The following ARHGEF9 variants were observed in gnomAD, a reference collection of about 807,000 sequenced individuals.
ARHGEF9 encodes the protein Cdc42 guanine nucleotide exchange factor 9, also known as rho guanine nucleotide exchange factor 9.
A neutral mutation model predicts 41.3 loss-of-function variants in ARHGEF9; 2 were observed. That is an observed-to-expected ratio of 0.05 (90% CI 0.02 to 0.15). The LOEUF (loss-of-function observed/expected upper bound fraction) is 0.15. Ranked by LOEUF, ARHGEF9 falls within the 10% of genes least tolerant of loss-of-function variation. The pLI is 1.00. For synonymous variants in ARHGEF9, 160 were observed against 154.4 expected (o/e 1.04, Z -0.27); for missense variants, 225 against 424.7 (o/e 0.53, Z 4.13).
chrX:63,755,356 G>T (rs2055896473), intron 1 of ARHGEF9: 3 of 568,038 alleles, frequency 5.3e-6, no homozygotes, highest in Non-Finnish European at 7.2e-6. Flanking sequence ...CCAGCCACCA[G>T]TTCTGGTTTG....
intron 2 of ARHGEF9, among the ~76,000 whole-genome samples, chrX:63,717,439 C>T (rs1334498241): frequency 8.9e-6 from 1 of 112,097 alleles, no homozygotes; most frequent in Non-Finnish European, 1.9e-5. Context: ...ATGGAGTGGG[C>T]CTTGCATGCC....
intron 7 of ARHGEF9, among the ~76,000 whole-genome samples, chrX:63,663,714 G>T (rs1240352610): frequency 4.5e-5 from 5 of 111,625 alleles, no homozygotes; most frequent in Admixed American, 9.5e-5. Flanking sequence ...ATGGCAAAAG[G>T]TCCCTAAACA....
intron 1 of ARHGEF9, chrX:63,755,169 G>A (rs2055886961): frequency 3.2e-6 from 3 of 938,798 alleles, no homozygotes; most frequent in South Asian, 5.9e-5. Flanking sequence ...GAGCGACTGC[G>A]GGCGCTTGCG....
At chrX:63,639,884 T>G (rs1234195926) in intron 9 of ARHGEF9, 1 of 111,647 alleles carries the variant, frequency 9.0e-6, no homozygotes, top group Non-Finnish European at 1.9e-5. Flanking sequence ...TATCAAATGA[T>G]CTCACTCAAA....
rs2047352252 is a variant in ARHGEF9, at chrX:63,637,214, A to T, written c.*814T>A. Reference sequence around the variant, plus strand: ...CCCCAGTGATAGAAGAAACAGCCTGAATGCAAAATGTTCCCTGAACAGAAG... The same window carrying T: ...CCCCAGTGATAGAAGAAACAGCCTGTATGCAAAATGTTCCCTGAACAGAAG... On this transcript the variant is annotated 3_prime_UTR_variant, in exon 10 of 10. Coordinates refer to ENST00000671741, the MANE Select transcript of ARHGEF9 (RefSeq NM_001353921.2). 3.4e-6 allele frequency: 1 copy of T among 296,210 alleles called. No individual in the cohort carries two copies. The highest frequency in any genetic ancestry group is 2.7e-5 in the African/African-American group (1 of 36,520). 24.4% of individuals were successfully genotyped at this position (296,210 alleles called of 1,213,427 possible).
chrX:63,642,767 G>A (rs1349713899), intron 9 of ARHGEF9: 3 of 111,714 alleles, frequency 2.7e-5, no homozygotes, highest in African/African-American at 9.8e-5. Flanking sequence ...CAGAAGGAAA[G>A]GCCTGGGGAA....
intron 1 of ARHGEF9, among the ~76,000 whole-genome samples, chrX:63,737,683 T>C (rs782572683): frequency 3.5e-4 from 39 of 112,458 alleles, no homozygotes; most frequent in African/African-American, 1.2e-3. Context: ...TAAGTTGCAC[T>C]TCTTCCATCT....
intron 1 of ARHGEF9, among the ~76,000 whole-genome samples, chrX:63,741,749 CAT>C (rs1341961009): frequency 8.9e-6 from 1 of 112,703 alleles, no homozygotes; most frequent in Non-Finnish European, 1.9e-5. Flanking sequence ...AAGTATCCCT[CAT>C]GTGTGTTCCT....
At chrX:63,691,301 C>A (rs1490780322) in intron 4 of ARHGEF9, among the ~76,000 whole-genome samples, 1 of 110,910 alleles carries the variant, frequency 9.0e-6, no homozygotes, top group Non-Finnish European at 1.9e-5. Flanking sequence ...TTGCAGGATA[C>A]AAAATCAACA....
chrX:63,663,346 G>A (rs1250928719), intron 7 of ARHGEF9, among the ~76,000 whole-genome samples: 14 of 110,951 alleles, frequency 1.3e-4, no homozygotes, highest in Non-Finnish European at 2.1e-4. Flanking sequence ...AAACTCTTTT[G>A]TCACCCCTGT....
At chrX:63,780,002 G>GTCT (rs2056355668) in intron 1 of ARHGEF9, among the ~76,000 whole-genome samples, 11 of 111,970 alleles carry the variant, frequency 9.8e-5, no homozygotes, top group Non-Finnish European at 1.7e-4. Flanking sequence ...ATAAGTAGAA[G>GTCT]TATTAAATAG....
At chrX:63,766,503 C>T (rs1556451897) in intron 1 of ARHGEF9, among the ~76,000 whole-genome samples, 1 of 111,812 alleles carries the variant, frequency 8.9e-6, no homozygotes, top group Non-Finnish European at 1.9e-5. Context: ...TTGATGGCTA[C>T]AGGTTGCCTG....
intron 9 of ARHGEF9, chrX:63,642,566 C>T (rs1381367455): frequency 8.9e-6 from 1 of 111,736 alleles, no homozygotes; most frequent in Non-Finnish European, 1.9e-5. Flanking sequence ...GAAGGGGAGG[C>T]ATGTCTAGTC....
chrX:63,688,963 T>C (rs1556378612), intron 4 of ARHGEF9, among the ~76,000 whole-genome samples: 1 of 111,167 alleles, frequency 9.0e-6, no homozygotes, highest in Non-Finnish European at 1.9e-5. Context: ...CACAGTAACA[T>C]CAAAGCAAAA....
chrX:63,753,746 T>C (rs2055800614), intron 1 of ARHGEF9, among the ~76,000 whole-genome samples: 2 of 111,535 alleles, frequency 1.8e-5, no homozygotes, highest in African/African-American at 6.5e-5. Flanking sequence ...TCAAGAAGTG[T>C]TTTAAATGTG....
chrX:63,775,819 C>T (rs782654406), intron 1 of ARHGEF9, among the ~76,000 whole-genome samples: 59 of 111,533 alleles, frequency 5.3e-4, no homozygotes, highest in Non-Finnish European at 9.6e-4. Flanking sequence ...ACTCCTTGAA[C>T]CTGAAATAAA....
At chrX:63,666,453 T>TACACACAC (rs782805278) in intron 6 of ARHGEF9, among the ~76,000 whole-genome samples, 41,135 of 80,926 alleles carry the variant, frequency 0.51, 9,001 homozygotes, top group South Asian at 0.69. Flanking sequence ...TATATATACA[T>TACACACAC]ACACACACAC....
intron 7 of ARHGEF9, among the ~76,000 whole-genome samples, chrX:63,663,525 G>A (rs1486629910): frequency 9.1e-6 from 1 of 110,387 alleles, no homozygotes; most frequent in Non-Finnish European, 1.9e-5. Flanking sequence ...CTGAACTTTC[G>A]GACATCCAAT....
chrX:63,642,297 G>A (rs1556307123), intron 9 of ARHGEF9: 1 of 111,272 alleles, frequency 9.0e-6, no homozygotes, highest in African/African-American at 3.3e-5. Context: ...CTGAGGAACT[G>A]GAGCAAAATC....
Sources: allele counts gnomAD v4.1 joint callset (sites outside exome capture counted in the v4.1 genomes callset), GRCh38; gene constraint gnomAD v4.1.1; transcripts MANE v1.5; gene names NCBI Gene and HGNC (gene_info 2026-07-23, HGNC 2026-07-21).